The following ATP2C1 variants were observed in gnomAD, a reference collection of about 807,000 sequenced individuals.
The protein encoded by ATP2C1 is ATPase secretory pathway Ca2+ transporting 1, also known as calcium-transporting ATPase type 2C member 1.
ATP2C1 carries 31 observed loss-of-function variants against 120.5 expected under a neutral mutation model. The ratio of observed to expected loss-of-function variants is 0.26; its 90% CI spans 0.19 to 0.35. The LOEUF is 0.35. Ranked by LOEUF, ATP2C1 falls within the 10% of genes least tolerant of loss-of-function variation. The pLI is 1.00. For missense variants in ATP2C1, 731 were observed against 1,107.5 expected, an observed-to-expected ratio of 0.66 and a Z score of 4.83; for synonymous variants, 351 against 358.7, an observed-to-expected ratio of 0.98 and a Z score of 0.24.
At chr3:131,012,260 CTTTTTTT>C (rs71620100) in intron 26 of ATP2C1, among the ~76,000 whole-genome samples, 10 of 127,214 alleles carry the variant, frequency 7.9e-5, no homozygotes, top group African/African-American at 1.8e-4. Flanking sequence ...TTTCTTTTTT[CTTTTTTT>C]TTTTTTTTTT....
intron 20 of ATP2C1, 22 bp from the exon 21 acceptor site, chr3:130,992,929 A>T (rs200937903): frequency 1.7e-4 from 266 of 1,595,394 alleles, no homozygotes; most frequent in Middle Eastern, 8.4e-4. Context: ...GAAGATTTTT[A>T]GTGTATCTTG....
At chr3:130,970,089 G>A (rs145230506) in intron 17 of ATP2C1, among the ~76,000 whole-genome samples, 2,127 of 152,234 alleles carry the variant, frequency 0.014, 30 homozygotes, top group East Asian at 0.075. Flanking sequence ...AGGCCAAGGC[G>A]GGTGGATCAC....
chr3:130,916,803 CTT>C (rs965867640), intron 2 of ATP2C1, among the ~76,000 whole-genome samples: 17 of 152,188 alleles, frequency 1.1e-4, no homozygotes, highest in African/African-American at 3.9e-4. Context: ...AGTTCTCTAT[CTT>C]TTTATTGTCC....
At chr3:130,974,094 C>T (rs1189276811) in intron 17 of ATP2C1, among the ~76,000 whole-genome samples, 2 of 152,130 alleles carry the variant, frequency 1.3e-5, no homozygotes, top group African/African-American at 4.8e-5. Context: ...AGCTTATCTG[C>T]TTCTTTGTTG....
intron 1 of ATP2C1, among the ~76,000 whole-genome samples, chr3:130,885,597 A>C (rs2068947548): frequency 8.1e-6 from 1 of 123,226 alleles, no homozygotes; most frequent in Non-Finnish European, 2.0e-5. Context: ...CATAAACAAA[A>C]ACACATTAAA....
At chr3:130,935,187 A>G (rs1223925469) in intron 5 of ATP2C1, among the ~76,000 whole-genome samples, 1 of 152,226 alleles carries the variant, frequency 6.6e-6, no homozygotes, top group Non-Finnish European at 1.5e-5. Context: ...TCAAAAGTCC[A>G]TGATTAGCAC....
At chr3:131,013,081 A>C (rs577406390) in intron 26 of ATP2C1, among the ~76,000 whole-genome samples, 7 of 152,190 alleles carry the variant, frequency 4.6e-5, no homozygotes, top group African/African-American at 1.7e-4. Flanking sequence ...AAGGTTGAGT[A>C]TATTTTCAGA....
chr3:130,949,991 C>T (rs753735084), intron 8 of ATP2C1, among the ~76,000 whole-genome samples: 22 of 151,998 alleles, frequency 1.4e-4, no homozygotes, highest in South Asian at 2.1e-4. Flanking sequence ...ATCAGTGTAC[C>T]GTATGTCAAA....
At chr3:130,930,205 G>A (rs913377252) in intron 2 of ATP2C1, 9 of 557,830 alleles carry the variant, frequency 1.6e-5, no homozygotes, top group African/African-American at 1.3e-4. Flanking sequence ...GCTGGGCACC[G>A]ATGGCTTAGT....
At chr3:130,929,527 AG>A (rs909958473) in intron 2 of ATP2C1, among the ~76,000 whole-genome samples, 5 of 152,212 alleles carry the variant, frequency 3.3e-5, no homozygotes, top group Non-Finnish European at 7.3e-5. Context: ...GTATCTGGGC[AG>A]TAAGATGATA....
At chr3:130,987,332 C>CA (rs2062068202) in intron 20 of ATP2C1, among the ~76,000 whole-genome samples, 1 of 151,278 alleles carries the variant, frequency 6.6e-6, no homozygotes, top group South Asian at 2.1e-4. Context: ...TTTTTTGAGA[C>CA]AGAGTCTCCT....
intron 2 of ATP2C1, among the ~76,000 whole-genome samples, chr3:130,908,390 C>T (rs533672289): frequency 6.6e-6 from 1 of 151,450 alleles, no homozygotes; most frequent in African/African-American, 2.4e-5. Context: ...AAGAATGAGG[C>T]AGGTTAGTAT....
At chr3:130,867,544 G>C (rs528788367) in intron 1 of ATP2C1, among the ~76,000 whole-genome samples, 1 of 148,670 alleles carries the variant, frequency 6.7e-6, no homozygotes, top group Non-Finnish European at 1.5e-5. Flanking sequence ...CGCCAGCCTC[G>C]GCCTCCCGAG....
chr3:130,866,397 A>G (rs576116400), intron 1 of ATP2C1, among the ~76,000 whole-genome samples: 3 of 152,292 alleles, frequency 2.0e-5, no homozygotes, highest in Middle Eastern at 6.8e-3. Context: ...TGTTTGAGAA[A>G]CCCAGTTTCA....
intron 2 of ATP2C1, among the ~76,000 whole-genome samples, chr3:130,927,243 C>CTTT (rs772300672): frequency 7.0e-6 from 1 of 142,478 alleles, no homozygotes; most frequent in Non-Finnish European, 1.5e-5. Flanking sequence ...TTTTTTTTAA[C>CTTT]TTTTTTTTTT....
chr3:130,975,374 G>A lies in ATP2C1; in HGVS notation c.1456G>A (p.Val486Ile), dbSNP rs773748322. 1 of 1,613,868 alleles carries A rather than the reference G, an allele frequency of 6.2e-7. No individual in the cohort carries two copies. Among genetic ancestry groups the A allele is most frequent in the Non-Finnish European group, 8.5e-7 (1 of 1,179,802 alleles). ...ICFMKGAYEQ[V>I]IKYCTTYQSK... ...TTTTATGAAAGGTGCTTACGAACAA[G>A]TAATTAAGTACTGTACTACATACCA... Residue 486 changes from valine (V) to isoleucine (I), a missense_variant, in exon 18 of 28, where the codon GTA becomes ATA. Physicochemically the swap from Val to Ile is conservative, Grantham distance 29. Around this residue, in one of 3 missense-constraint regions of ATP2C1, gnomAD observed 571 missense variants for 845.9 expected, o/e 0.67. Coordinates refer to ENST00000510168, the MANE Select transcript of ATP2C1 (RefSeq NM_001378687.1).
intron 14 of ATP2C1, among the ~76,000 whole-genome samples, chr3:130,966,353 GT>G (rs2061047349): frequency 6.6e-6 from 1 of 152,040 alleles, no homozygotes; most frequent in South Asian, 2.1e-4. Context: ...TTGTTTTAAG[GT>G]CATGCTATAT....
intron 8 of ATP2C1, among the ~76,000 whole-genome samples, chr3:130,952,739 T>C (rs760096515): frequency 1.2e-4 from 18 of 152,244 alleles, no homozygotes; most frequent in Non-Finnish European, 2.4e-4. Flanking sequence ...CCTAGTTTCT[T>C]ACAGAGTATC....
rs577747044 is a variant in ATP2C1, at chr3:130,955,663, G to A, written c.757-441G>A. ...AAAGTGGGAACTCATTCCAAGAGGC[G>A]TGGCAGTGAAGGGATGAATAGAGAA... On this transcript the variant is annotated intron_variant, in intron 10 of 27. Transcript: ENST00000510168. 7.3e-4 allele frequency: 129 copies of A among 177,850 alleles called. 1 individual carries two copies. The highest frequency in any genetic ancestry group is 1.3e-3 in the Non-Finnish European group (112 of 83,812). The allele number at this position is 177,850 out of a possible 1,614,324, so 11.0% of individuals were successfully genotyped here. A position where few individuals can be genotyped will look rare whatever the true frequency, so the allele number is the denominator to read the frequency against.
Sources: gnomAD v4.1 joint callset for allele counts (sites outside exome capture counted in the v4.1 genomes callset) on GRCh38, gnomAD v4.1.1 for gene constraint, gnomAD v4.1.1 regional missense constraint, MANE v1.5 for transcripts, NCBI Gene and HGNC (gene_info 2026-07-23, HGNC 2026-07-21) for gene names.